Variants in TTLL5 observed in about 807,000 individuals in gnomAD.
The protein encoded by TTLL5 is tubulin polyglutamylase TTLL5.
TTLL5 carries 132 observed loss-of-function variants against 168.4 expected under a neutral mutation model. The observed-to-expected ratio is 0.78, with a 90% CI of 0.68 to 0.91. The LOEUF is 0.91. TTLL5 is among the 40% of genes least tolerant of loss of function. TTLL5 has a pLI of 0.00. For missense variants in TTLL5, 1,545 were observed against 1,581.5 expected (o/e 0.98, Z 0.39); for synonymous variants, 546 against 558.6 (o/e 0.98, Z 0.32).
chr14:75,760,982 C>A (rs1425753980), intron 18 of TTLL5, among the ~76,000 whole-genome samples: 1 of 152,040 alleles, frequency 6.6e-6, no homozygotes, highest in Non-Finnish European at 1.5e-5. Flanking sequence ...ATGCATCAAA[C>A]ATATCTGTCA....
intron 7 of TTLL5, 120 bp downstream of exon 7, chr14:75,699,390 C>A: frequency 1.1e-6 from 1 of 903,688 alleles, no homozygotes; most frequent in Non-Finnish European, 1.7e-6. Flanking sequence ...CTTAAATCTG[C>A]ATTCAGAAGT....
chr14:75,823,714 G>A (rs1894962177), intron 28 of TTLL5, among the ~76,000 whole-genome samples: 1 of 152,194 alleles, frequency 6.6e-6, no homozygotes, highest in African/African-American at 2.4e-5. Flanking sequence ...ACAGCTGTGA[G>A]TTTGTTCCTA....
chr14:75,691,093 A>G (rs1885430055), intron 6 of TTLL5, among the ~76,000 whole-genome samples: 2 of 152,304 alleles, frequency 1.3e-5, no homozygotes, highest in Middle Eastern at 6.8e-3. Flanking sequence ...TTGGAGCTAC[A>G]AGTTAGTCAC....
chr14:75,671,601 C>T (rs1055961680), intron 3 of TTLL5, among the ~76,000 whole-genome samples: 1 of 151,692 alleles, frequency 6.6e-6, no homozygotes, highest in African/African-American at 2.4e-5. Flanking sequence ...AGTCTTGTAC[C>T]CCCTTGGTTA....
At chr14:75,860,894 C>T (rs1269373994) in intron 28 of TTLL5, among the ~76,000 whole-genome samples, 1 of 152,154 alleles carries the variant, frequency 6.6e-6, no homozygotes, top group Non-Finnish European at 1.5e-5. Context: ...CGATGTCATC[C>T]TGTTTTACTG....
chr14:75,772,573 T>C (rs1891405154), intron 21 of TTLL5, among the ~76,000 whole-genome samples: 1 of 152,214 alleles, frequency 6.6e-6, no homozygotes, highest in Non-Finnish European at 1.5e-5. Context: ...TTCAGTATTC[T>C]AGGACAGTTT....
intron 12 of TTLL5, among the ~76,000 whole-genome samples, chr14:75,722,131 T>G (rs1218119852): frequency 1.3e-5 from 2 of 152,186 alleles, no homozygotes; most frequent in Non-Finnish European, 2.9e-5. Flanking sequence ...CACTCTGTGC[T>G]TTTGTGCCAC....
Position 75,663,158 on chromosome 14 carries a change from C to T in TTLL5, c.9C>T (p.Ile3=), listed in dbSNP as rs755802095. 54 of 1,613,506 alleles carry T rather than the reference C, an allele frequency of 3.3e-5. 1 individual carries two copies. The highest frequency in any genetic ancestry group is 1.3e-4 in the Admixed American group (8 of 59,950). Reference sequence around the variant, plus strand: ...GACAAACCCTAAAGGAAATGCCAATCGTGATGGCCCGGGACCTGGAGGAAA... The same window carrying T: ...GACAAACCCTAAAGGAAATGCCAATTGTGATGGCCCGGGACCTGGAGGAAA... The part of the protein sequence containing the change: MP[I]VMARDLEETA... The change falls in exon 2 of 32, where the codon ATC becomes ATT. Residue 3 remains isoleucine, a synonymous_variant. Transcript: ENST00000298832.
At chr14:75,699,470 C>T (rs1378286374) in intron 7 of TTLL5, among the ~76,000 whole-genome samples, 200 bp downstream of exon 7, 1 of 152,180 alleles carries the variant, frequency 6.6e-6, no homozygotes, top group Admixed American at 6.5e-5. Context: ...GCAGTTACTC[C>T]ATGGCTAAAA....
chr14:75,740,473 A>G (rs1889187270), intron 15 of TTLL5, among the ~76,000 whole-genome samples: 1 of 152,230 alleles, frequency 6.6e-6, no homozygotes, highest in South Asian at 2.1e-4. Context: ...TTTTTCAAAC[A>G]TAATTATAAG....
At chr14:75,864,022 A>G (rs2030292981) in intron 29 of TTLL5, among the ~76,000 whole-genome samples, 160 bp downstream of exon 29, 1 of 151,308 alleles carries the variant, frequency 6.6e-6, no homozygotes, top group Non-Finnish European at 1.5e-5. Flanking sequence ...TCTTGAGGAA[A>G]AACTGTTCTG....
rs913873980 is a variant in TTLL5 at position 75,910,705 on chromosome 14, A to G, written c.3823+8481A>G. 3.3e-5 allele frequency among the ~76,000 whole-genome samples: 5 copies of G among 152,340 alleles called. No homozygotes were observed. The East Asian group carries it at 5.8e-4, about 18-fold the overall frequency. On this transcript the variant is annotated intron_variant, in intron 31 of 31. Transcript: ENST00000298832. ...TCTGTAGAGTTTGAACCAGGTCCCA[A>G]AAAGTGTAGGTAGATAATAGCAGGG...
intron 30 of TTLL5, among the ~76,000 whole-genome samples, chr14:75,889,745 G>T (rs191998115): frequency 6.7e-6 from 1 of 150,330 alleles, no homozygotes; most frequent in Non-Finnish European, 1.5e-5. Flanking sequence ...CATGAGAATC[G>T]CTCGAGCCTG....
chr14:75,714,972 G>T (rs1594914002), intron 9 of TTLL5, among the ~76,000 whole-genome samples: 1 of 152,166 alleles, frequency 6.6e-6, no homozygotes, highest in East Asian at 1.9e-4. Context: ...AAAAATAGAA[G>T]TTTATACTAG....
At chr14:75,837,875 A>G (rs1224931061) in intron 28 of TTLL5, among the ~76,000 whole-genome samples, 2 of 151,928 alleles carry the variant, frequency 1.3e-5, no homozygotes, top group Admixed American at 6.6e-5. Flanking sequence ...GTGTGTGTAT[A>G]TATGTATACA....
chr14:75,729,207 T>C (rs1888377917), intron 12 of TTLL5, among the ~76,000 whole-genome samples: 1 of 152,180 alleles, frequency 6.6e-6, no homozygotes, highest in Non-Finnish European at 1.5e-5. Flanking sequence ...CTTGCTCTTC[T>C]GTCATGATAA....
chr14:75,872,800 A>T (rs538602250), intron 29 of TTLL5, among the ~76,000 whole-genome samples: 48 of 151,584 alleles, frequency 3.2e-4, no homozygotes, highest in African/African-American at 1.1e-3. Context: ...AATCCCAGCT[A>T]CTCAGGAGGC....
chr14:75,747,607 C>G (rs1257919864), intron 17 of TTLL5, among the ~76,000 whole-genome samples: 2 of 151,152 alleles, frequency 1.3e-5, no homozygotes, highest in Non-Finnish European at 2.9e-5. Flanking sequence ...TATTTTTAAG[C>G]ATTGTTATGG....
intron 30 of TTLL5, among the ~76,000 whole-genome samples, chr14:75,898,395 A>T (rs2032769653): frequency 6.6e-6 from 1 of 152,196 alleles, no homozygotes; most frequent in Non-Finnish European, 1.5e-5. Context: ...TAGTCCCCGC[A>T]CTTTGGGAGG....
Sources: gnomAD v4.1 joint callset for allele counts (sites outside exome capture counted in the v4.1 genomes callset) on GRCh38, gnomAD v4.1.1 for gene constraint, MANE v1.5 for transcripts, NCBI Gene and HGNC (gene_info 2026-07-23, HGNC 2026-07-21) for gene names.